Variants in INPP4B observed in about 807,000 individuals in gnomAD.
INPP4B encodes inositol polyphosphate-4-phosphatase type II B.
INPP4B carries 55 observed loss-of-function variants against 122.5 expected under a neutral mutation model. That is an observed-to-expected ratio of 0.45 (90% CI 0.36 to 0.56). INPP4B has a LOEUF of 0.56. Ranked by LOEUF, INPP4B falls within the 20% of genes least tolerant of loss-of-function variation. The probability of loss-of-function intolerance (pLI) is 0.00; values close to 1 mark genes in which losing one functional copy is unlikely to be tolerated. For missense variants in INPP4B, 1,000 were observed against 1,097.7 expected (o/e 0.91, Z 1.26); for synonymous variants, 403 against 388.7 (o/e 1.04, Z -0.43).
At chr4:142,559,748 A>G (rs1046746291) in intron 2 of INPP4B, among the ~76,000 whole-genome samples, 1 of 152,218 alleles carries the variant, frequency 6.6e-6, no homozygotes, top group African/African-American at 2.4e-5. Context: ...TCATTAAAAT[A>G]CTTTAAACTC....
At chr4:142,703,857 G>A (rs1006333454) in intron 2 of INPP4B, among the ~76,000 whole-genome samples, 3 of 152,312 alleles carry the variant, frequency 2.0e-5, no homozygotes, top group Non-Finnish European at 2.9e-5. Flanking sequence ...TAACTCAGAA[G>A]AGTGGCTGAT....
At chr4:142,805,427 T>C (rs761580121) in intron 1 of INPP4B, among the ~76,000 whole-genome samples, 3 of 152,146 alleles carry the variant, frequency 2.0e-5, no homozygotes, top group Non-Finnish European at 2.9e-5. Flanking sequence ...AGTAAGAAAG[T>C]CCAATGAAAA....
At chr4:142,552,976 G>T (rs1273566911) in intron 2 of INPP4B, among the ~76,000 whole-genome samples, 1 of 152,110 alleles carries the variant, frequency 6.6e-6, no homozygotes, top group East Asian at 1.9e-4. Flanking sequence ...TTTCCATTAT[G>T]CAAGACACAA....
At chr4:142,571,730 G>A (rs1044173060) in intron 2 of INPP4B, among the ~76,000 whole-genome samples, 5 of 152,106 alleles carry the variant, frequency 3.3e-5, no homozygotes, top group African/African-American at 9.7e-5. Flanking sequence ...ATGATATTTT[G>A]AGGGTTTTGG....
At chr4:142,442,426 A>AAAG in intron 3 of INPP4B, among the ~76,000 whole-genome samples, 1 of 151,236 alleles carries the variant, frequency 6.6e-6, no homozygotes, top group Non-Finnish European at 1.5e-5. Context: ...AAAAAAAAAA[A>AAAG]AAAAGAGAGA....
chr4:142,085,537 G>C (rs1268491601), intron 24 of INPP4B, among the ~76,000 whole-genome samples: 2 of 152,010 alleles, frequency 1.3e-5, no homozygotes, highest in African/African-American at 2.4e-5. Context: ...AAAAATACAG[G>C]CTTTTTTTTT....
chr4:142,534,310 A>T (rs1367640224), intron 2 of INPP4B, among the ~76,000 whole-genome samples: 1 of 152,104 alleles, frequency 6.6e-6, no homozygotes, highest in Non-Finnish European at 1.5e-5. Flanking sequence ...TTGAAACTTA[A>T]TCCCCAGTGC....
intron 19 of INPP4B, 125 bp downstream of exon 19, chr4:142,124,463 G>A: frequency 3.7e-6 from 3 of 803,096 alleles, no homozygotes; most frequent in Admixed American, 2.5e-5. Context: ...AGAAACATGG[G>A]ATACCAAAAC....
At chr4:142,111,546 C>T (rs1790088920) in intron 22 of INPP4B, among the ~76,000 whole-genome samples, 1 of 151,856 alleles carries the variant, frequency 6.6e-6, no homozygotes, top group Admixed American at 6.6e-5. Context: ...GGGGTTTTGT[C>T]ATATTGGCCA....
At chr4:142,221,566 C>T (rs1032727918) in intron 12 of INPP4B, among the ~76,000 whole-genome samples, 8 of 151,728 alleles carry the variant, frequency 5.3e-5, no homozygotes, top group Admixed American at 6.6e-5. Flanking sequence ...CCAGCCTTTT[C>T]GTTTTTCACA....
At chr4:142,643,483 C>A (rs914089531) in intron 2 of INPP4B, among the ~76,000 whole-genome samples, 2 of 152,182 alleles carry the variant, frequency 1.3e-5, no homozygotes, top group African/African-American at 2.4e-5. Context: ...TGAAAGCAAG[C>A]CTCTAATGCG....
chr4:142,639,642 C>A (rs908038439), intron 2 of INPP4B, among the ~76,000 whole-genome samples: 1 of 152,026 alleles, frequency 6.6e-6, no homozygotes, highest in Non-Finnish European at 1.5e-5. Context: ...AAACCAAAGG[C>A]ACAGGCAGGC....
At chr4:142,324,475 A>T (rs1275896397) in intron 7 of INPP4B, among the ~76,000 whole-genome samples, 2 of 152,138 alleles carry the variant, frequency 1.3e-5, no homozygotes, top group Admixed American at 1.3e-4. Flanking sequence ...ATCTGACAAA[A>T]GTCTTTAGAG....
intron 15 of INPP4B, among the ~76,000 whole-genome samples, chr4:142,182,914 A>G (rs763164410): frequency 1.3e-5 from 2 of 152,138 alleles, no homozygotes; most frequent in Non-Finnish European, 2.9e-5. Flanking sequence ...TGTTCTCTCT[A>G]CACTGTCACT....
intron 25 of INPP4B, among the ~76,000 whole-genome samples, chr4:142,036,861 AGGTGACTTT>A (rs1372363714): frequency 6.6e-6 from 1 of 152,198 alleles, no homozygotes; most frequent in African/African-American, 2.4e-5. Context: ...GAGTAGACAC[AGGTGACTTT>A]GGGACTGCTT....
chr4:142,798,264 G>T (rs535077213), intron 1 of INPP4B, among the ~76,000 whole-genome samples: 4 of 151,772 alleles, frequency 2.6e-5, no homozygotes, highest in Admixed American at 2.6e-4. Context: ...AGCAATTAGC[G>T]GAGTACAAGA....
intron 1 of INPP4B, among the ~76,000 whole-genome samples, chr4:142,753,000 GCA>G (rs1352588070): frequency 6.6e-6 from 1 of 152,046 alleles, no homozygotes; most frequent in Non-Finnish European, 1.5e-5. Flanking sequence ...ATAATTTCTT[GCA>G]CACCCTGCCT....
At chr4:142,744,671 T>C (rs1768424604) in intron 1 of INPP4B, among the ~76,000 whole-genome samples, 1 of 151,562 alleles carries the variant, frequency 6.6e-6, no homozygotes. Context: ...TTATATCTAA[T>C]AAAAATATCC....
At chr4:142,817,532 T>A (rs2151141939) in intron 1 of INPP4B, among the ~76,000 whole-genome samples, 2 of 152,198 alleles carry the variant, frequency 1.3e-5, no homozygotes, top group Admixed American at 1.3e-4. Context: ...CCAATTCACC[T>A]CCTTTCCAAG....
Sources: allele counts gnomAD v4.1 joint callset (sites outside exome capture counted in the v4.1 genomes callset), GRCh38; gene constraint gnomAD v4.1.1; transcripts MANE v1.5; gene names NCBI Gene and HGNC (gene_info 2026-07-23, HGNC 2026-07-21).